CRMP1: variants seen among roughly 807,000 people sequenced by gnomAD.
CRMP1 encodes dihydropyrimidinase-related protein 1.
In CRMP1, 19 loss-of-function variants were observed where a neutral mutation model predicts 68.3. That is an observed-to-expected ratio of 0.28 (90% CI 0.19 to 0.41). The LOEUF is 0.41. Ranked by LOEUF, CRMP1 falls within the 10% of genes least tolerant of loss-of-function variation. The pLI is 1.00. For missense variants in CRMP1, 791 were observed against 967.4 expected (o/e 0.82, Z 2.42); for synonymous variants, 439 against 399.6 (o/e 1.10, Z -1.18).
intron 11 of CRMP1, among the ~76,000 whole-genome samples, chr4:5,831,311 T>C (rs1720367178): frequency 6.6e-6 from 1 of 152,168 alleles, no homozygotes; most frequent in Non-Finnish European, 1.5e-5. Flanking sequence ...AAGTGATTTT[T>C]GATTCTTCCA....
rs527394424 is a variant in CRMP1 at position 5,891,438 on chromosome 4, G to A, written c.381+1151C>T. On this transcript the variant is annotated intron_variant, in intron 1 of 13. Transcript: ENST00000324989. The surrounding 1 kb of genome is among the most constrained non-coding windows in gnomAD (Gnocchi z 5.2). ...TCACTCATAGCATTTAAGAGGGGAA[G>A]GTTTAATTAAAATGATAATGATTGT... is the stretch of plus-strand genomic sequence containing the variant. 2.0e-5 allele frequency among the ~76,000 whole-genome samples: 3 copies of A among 152,172 alleles called. No individual in the cohort carries two copies. Among genetic ancestry groups the A allele is most frequent in the African/African-American group, 4.8e-5 (2 of 41,454 alleles).
Position 5,866,586 on chromosome 4 carries a change from A to C in CRMP1, c.470+82T>G. On this transcript the variant is annotated intron_variant, in intron 2 of 13. Transcript: ENST00000324989. The surrounding 1 kb of genome is among the most constrained non-coding windows in gnomAD (Gnocchi z 5.9). Reference sequence around the variant, plus strand: ...GTACACAGCCCCGTCATTCTAGGACAGAATGCCAGCCTTCTGTTCCATCTA... The same window carrying C: ...GTACACAGCCCCGTCATTCTAGGACCGAATGCCAGCCTTCTGTTCCATCTA... The C allele has an allele frequency of 9.8e-7, 1 of 1,015,952 alleles. No individual in the cohort carries two copies. The highest frequency in any genetic ancestry group is 1.5e-6 in the Non-Finnish European group (1 of 661,658). 62.9% of individuals were successfully genotyped at this position (1,015,952 alleles called of 1,614,324 possible).
rs1245498036 is a variant in CRMP1, at chr4:5,890,798, G to A, written c.381+1791C>T. On this transcript the variant is annotated intron_variant, in intron 1 of 13. Coordinates refer to ENST00000324989, the MANE Select transcript of CRMP1 (RefSeq NM_001014809.3). This position sits in a 1 kb window ranked among gnomAD's most constrained non-coding sequence, Gnocchi z 5.5. Reference sequence around the variant, plus strand: ...CGCCCTGGGGGAGATGCTGGCGTTGGTGACATTGACCGCAGTTCCAGAGGA... The same window carrying A: ...CGCCCTGGGGGAGATGCTGGCGTTGATGACATTGACCGCAGTTCCAGAGGA... Among the ~76,000 whole-genome samples the A allele has an allele frequency of 6.6e-6, 1 of 152,170 alleles. No individual in the cohort carries two copies. The highest frequency in any genetic ancestry group is 2.4e-5 in the African/African-American group (1 of 41,454).
At position 5,888,347 on chromosome 4, in the gene CRMP1, G is replaced by T; in HGVS notation, c.381+4242C>A. 1.6e-6 allele frequency: 2 copies of T among 1,233,614 alleles called. No individual in the cohort carries two copies. The highest frequency in any genetic ancestry group is 3.2e-5 in the East Asian group (1 of 31,294). The allele number at this position is 1,233,614 out of a possible 1,614,324, so 76.4% of individuals were successfully genotyped here. Reference sequence around the variant, plus strand: ...ACCGGCGCTCTCGGCCCCGCTCCCAGCGGGCGCGCTGACAAAGGCCCGGGA... The same window carrying T: ...ACCGGCGCTCTCGGCCCCGCTCCCATCGGGCGCGCTGACAAAGGCCCGGGA... On this transcript the variant is annotated intron_variant, in intron 1 of 13. Coordinates refer to ENST00000324989, the MANE Select transcript of CRMP1 (RefSeq NM_001014809.3). This position sits in a 1 kb window ranked among gnomAD's most constrained non-coding sequence, Gnocchi z 6.4.
At chr4:5,874,256 T>C (rs1714657254) in intron 1 of CRMP1, among the ~76,000 whole-genome samples, 1 of 152,258 alleles carries the variant, frequency 6.6e-6, no homozygotes, top group South Asian at 2.1e-4. Flanking sequence ...CTACTACAGC[T>C]ACTCAAATAT....
chr4:5,869,594 G>C (rs757005629), intron 1 of CRMP1, among the ~76,000 whole-genome samples: 3 of 148,352 alleles, frequency 2.0e-5, no homozygotes, highest in Non-Finnish European at 4.4e-5. Context: ...TGAGGCAGGA[G>C]AATGTCATGA....
chr4:5,836,018 T>C lies in CRMP1; in HGVS notation c.1520A>G (p.Asn507Ser). Residue 507 changes from asparagine (N) to serine (S), a missense_variant, in exon 11 of 14, where the codon AAC becomes AGC. Asn to Ser is a conservative substitution (Grantham distance 46, BLOSUM62 1). Coordinates refer to ENST00000324989, the MANE Select transcript of CRMP1 (RefSeq NM_001014809.3). ...AATCCGCCCTTTCCTTGGGTACAGG[T>C]TAAAGATCTTGGCTGCATTGGTGCT... Reference protein sequence around the residue: ...VTSTNAAKIFNLYPRKGRIAV... With the variant: ...VTSTNAAKIFSLYPRKGRIAV... 1 of 1,605,066 alleles carries C rather than the reference T, an allele frequency of 6.2e-7. No individual in the cohort carries two copies. Among genetic ancestry groups the C allele is most frequent in the Non-Finnish European group, 8.5e-7 (1 of 1,175,714 alleles).
At chr4:5,868,265 A>ATATATATC (rs1560513183) in intron 1 of CRMP1, among the ~76,000 whole-genome samples, 15 of 12,820 alleles carry the variant, frequency 1.2e-3, no homozygotes, top group Non-Finnish European at 2.1e-3. Flanking sequence ...ATATATCTAT[A>ATATATATC]TATATATATA....
intron 1 of CRMP1, among the ~76,000 whole-genome samples, chr4:5,869,312 T>C (rs1714267318): frequency 6.6e-6 from 1 of 152,150 alleles, no homozygotes. Context: ...ACCATTTGTA[T>C]TCTCTCCAGG....
At position 5,821,671 on chromosome 4, in the gene CRMP1, T is replaced by A. The variant is rs1262857100; in HGVS notation, c.*89A>T. On this transcript the variant is annotated 3_prime_UTR_variant, in exon 14 of 14. Transcript: ENST00000324989. The surrounding 1 kb of genome is among the most constrained non-coding windows in gnomAD (Gnocchi z 4.4). ...TCCCCCTCCCTCCATCAGCACCAAC[T>A]AAAACTGTGGGTTTCAAAAACACTG... 8 of 1,302,482 alleles carry A rather than the reference T, an allele frequency of 6.1e-6. No homozygotes were observed. Among genetic ancestry groups the A allele is most frequent in the Non-Finnish European group, 8.5e-6 (8 of 936,854 alleles). The allele number at this position is 1,302,482 out of a possible 1,614,324, so 80.7% of individuals were successfully genotyped here. A position where few individuals can be genotyped will look rare whatever the true frequency, so the allele number is the denominator to read the frequency against.
rs528028647 is a variant in CRMP1, at chr4:5,850,833, G to A, written c.882+575C>T. ...AAGAAGGCCAGGTGTCCTGTAAGTC[G>A]TAACCACTCCTCCTGAAGAACAACT... On this transcript the variant is annotated intron_variant, in intron 5 of 13. Transcript: ENST00000324989. This position sits in a 1 kb window ranked among gnomAD's most constrained non-coding sequence, Gnocchi z 4.4. Among the ~76,000 whole-genome samples, 17 of 152,312 alleles carry A rather than the reference G, an allele frequency of 1.1e-4. No individual in the cohort carries two copies. In the South Asian group the frequency reaches 1.4e-3, roughly 13 times the overall value.
At position 5,883,655 on chromosome 4, in the gene CRMP1, G is replaced by GACACACACACACACACACAC. The variant is rs148593249; in HGVS notation, c.381+8914_381+8933dup. Reference sequence around the variant, plus strand: ...AGATGGCAAGATAATTAAGGTCAGGGACACACACACACACACACACACACA... The same window carrying GACACACACACACACACACAC: ...AGATGGCAAGATAATTAAGGTCAGGGACACACACACACACACACACACACACACACACACACACACACACA... On this transcript the variant is annotated intron_variant, in intron 1 of 13. Coordinates refer to ENST00000324989, the MANE Select transcript of CRMP1 (RefSeq NM_001014809.3). This position sits in a 1 kb window ranked among gnomAD's most constrained non-coding sequence, Gnocchi z 4.5. 5.9e-4 allele frequency among the ~76,000 whole-genome samples: 88 copies of GACACACACACACACACACAC among 149,686 alleles called. No individual in the cohort carries two copies. Among genetic ancestry groups the GACACACACACACACACACAC allele is most frequent in the African/African-American group, 2.0e-3 (82 of 40,750 alleles).
chr4:5,892,552 G>GC lies in CRMP1; in HGVS notation c.381+36dup. 8.6e-7 allele frequency: 1 copy of GC among 1,168,420 alleles called. No individual in the cohort carries two copies. Among genetic ancestry groups the GC allele is most frequent in the Non-Finnish European group, 1.1e-6 (1 of 946,960 alleles). The allele number at this position is 1,168,420 out of a possible 1,614,324, so 72.4% of individuals were successfully genotyped here. On this transcript the variant is annotated intron_variant, in intron 1 of 13. Coordinates refer to ENST00000324989, the MANE Select transcript of CRMP1 (RefSeq NM_001014809.3). The surrounding 1 kb of genome is among the most constrained non-coding windows in gnomAD (Gnocchi z 8.6). The stretch of plus-strand genomic sequence containing the variant: ...CATGCCCTGGGTCCTCCCGGGGCCC[G>GC]CCCCCCTCGTCTGGCCCGCGCGCGC...
At chr4:5,875,190 A>G (rs2152472246) in intron 1 of CRMP1, among the ~76,000 whole-genome samples, 1 of 152,318 alleles carries the variant, frequency 6.6e-6, no homozygotes, top group Non-Finnish European at 1.5e-5. Context: ...GAACAAAAAA[A>G]ACAAACAGCA....
intron 1 of CRMP1, among the ~76,000 whole-genome samples, chr4:5,876,770 C>T (rs533970367): frequency 7.9e-4 from 113 of 142,566 alleles, no homozygotes; most frequent in African/African-American, 2.8e-3. Flanking sequence ...ACTGATAGCA[C>T]GACAGCATGG....
chr4:5,824,871 C>T, intron 13 of CRMP1: 3 of 985,398 alleles, frequency 3.0e-6, no homozygotes, highest in Non-Finnish European at 2.4e-6. Context: ...CACCAAATCA[C>T]AGATACACTG....
chr4:5,858,613 G>A lies in CRMP1; in HGVS notation c.656-2306C>T, dbSNP rs557064247. 7.6e-4 allele frequency among the ~76,000 whole-genome samples: 115 copies of A among 152,232 alleles called. No individual in the cohort carries two copies. The highest frequency in any genetic ancestry group is 2.5e-3 in the African/African-American group (104 of 41,524). ...CACCCTCATCTCTCAGCTGAATTAC[G>A]CAATCGCCTCCCAACTGGTCCAGAC... On this transcript the variant is annotated intron_variant, in intron 3 of 13. Transcript: ENST00000324989. This position sits in a 1 kb window ranked among gnomAD's most constrained non-coding sequence, Gnocchi z 5.5.
In CRMP1 at chr4:5,854,949, G is replaced by A. The variant is rs946409683; in HGVS notation, c.820+1194C>T. On this transcript the variant is annotated intron_variant, in intron 4 of 13. Coordinates refer to ENST00000324989, the MANE Select transcript of CRMP1 (RefSeq NM_001014809.3). The surrounding 1 kb of genome is among the most constrained non-coding windows in gnomAD (Gnocchi z 4.0). The stretch of plus-strand genomic sequence containing the variant: ...ATGTTTATATACAAAGATGTTCACC[G>A]TAACAGGATTTATAATAAAACGAAT... 1.1e-4 allele frequency among the ~76,000 whole-genome samples: 16 copies of A among 152,208 alleles called. No individual in the cohort carries two copies. The highest frequency in any genetic ancestry group is 2.0e-4 in the Admixed American group (3 of 15,286).
In CRMP1 at chr4:5,889,741, T is replaced by A. The variant is rs1411259376; in HGVS notation, c.381+2848A>T. The A allele has an allele frequency of 6.5e-7, 1 of 1,535,290 alleles. No individual in the cohort carries two copies. The highest frequency in any genetic ancestry group is 8.7e-7 in the Non-Finnish European group (1 of 1,146,464). On this transcript the variant is annotated intron_variant, in intron 1 of 13. Coordinates refer to ENST00000324989, the MANE Select transcript of CRMP1 (RefSeq NM_001014809.3). This position sits in a 1 kb window ranked among gnomAD's most constrained non-coding sequence, Gnocchi z 4.5. ...CATCCAGAGCGAGGGTGGCCTAGGC[T>A]TGGTACAGCTCCCCCAGCACTGTGG...
Sources: gnomAD v4.1 joint callset for allele counts (sites outside exome capture counted in the v4.1 genomes callset) on GRCh38, gnomAD v4.1.1 for gene constraint, Gnocchi (gnomAD v3.1) non-coding constraint, MANE v1.5 for transcripts, NCBI Gene and HGNC (gene_info 2026-07-23, HGNC 2026-07-21) for gene names.